RALYL: variants seen among roughly 807,000 people sequenced by gnomAD.
RALYL encodes RNA-binding Raly-like protein.
Under a neutral mutation model 35.1 loss-of-function variants are expected in RALYL, and 29 were observed. That is an observed-to-expected ratio of 0.83 (90% CI 0.61 to 1.13). RALYL has a LOEUF of 1.13. Ranked by LOEUF, RALYL falls within the 50% of genes most tolerant of loss-of-function variation. The probability of loss-of-function intolerance (pLI) is 0.00; values close to 1 mark genes in which losing one functional copy is unlikely to be tolerated. For missense variants in RALYL, 359 were observed against 360.4 expected, an observed-to-expected ratio of 1.00 and a Z score of 0.03; for synonymous variants, 120 against 127.6, an observed-to-expected ratio of 0.94 and a Z score of 0.40.
intron 1 of RALYL, among the ~76,000 whole-genome samples, chr8:84,189,972 A>G (rs1177173689): frequency 2.0e-5 from 3 of 152,194 alleles, no homozygotes; most frequent in African/African-American, 7.2e-5. Flanking sequence ...AATGCATGGC[A>G]TCACATTTGT....
At chr8:84,789,212 A>G (rs1214970552) in intron 3 of RALYL, among the ~76,000 whole-genome samples, 1 of 152,234 alleles carries the variant, frequency 6.6e-6, no homozygotes, top group Non-Finnish European at 1.5e-5. Flanking sequence ...ATGTATCAGA[A>G]TGTACTTTTT....
chr8:84,900,258 T>A (rs1359108498), intron 8 of RALYL, among the ~76,000 whole-genome samples: 1 of 152,192 alleles, frequency 6.6e-6, no homozygotes, highest in African/African-American at 2.4e-5. Context: ...GAAAAAATAG[T>A]TACTTTTCTA....
rs543790853 is a variant in RALYL at position 84,244,184 on chromosome 8, A to G, written c.-24+59760A>G. 7.4e-4 allele frequency among the ~76,000 whole-genome samples: 113 copies of G among 152,280 alleles called. 2 individuals carry two copies. The South Asian group carries it at 0.011, about 15-fold the overall frequency. On this transcript the variant is annotated intron_variant, in intron 1 of 8. Coordinates refer to ENST00000521268, the MANE Select transcript of RALYL (RefSeq NM_173848.7). ...ATAAATTTTCCAGTAATCCTATGAC[A>G]TTATCCCATTTAGTGGATGAGTATA...
chr8:84,484,218 A>G (rs2054357245), intron 1 of RALYL, among the ~76,000 whole-genome samples: 1 of 152,124 alleles, frequency 6.6e-6, no homozygotes, highest in Non-Finnish European at 1.5e-5. Context: ...AAACTTTAAC[A>G]AATATTTATT....
At chr8:84,318,828 C>T (rs1844266121) in intron 1 of RALYL, among the ~76,000 whole-genome samples, 2 of 151,986 alleles carry the variant, frequency 1.3e-5, no homozygotes, top group South Asian at 4.2e-4. Context: ...GAAGCATGTC[C>T]ATTAGTTTCA....
At chr8:84,702,282 A>G (rs1840325378) in intron 2 of RALYL, among the ~76,000 whole-genome samples, 1 of 152,072 alleles carries the variant, frequency 6.6e-6, no homozygotes. Context: ...CTTTTAGGTA[A>G]GTTTCCCCTA....
At chr8:84,299,588 G>C (rs970049417) in intron 1 of RALYL, among the ~76,000 whole-genome samples, 1 of 151,844 alleles carries the variant, frequency 6.6e-6, no homozygotes, top group Admixed American at 6.6e-5. Flanking sequence ...CTGTGAATCT[G>C]TGTGGTCCAG....
At chr8:84,582,791 G>A (rs778274643) in intron 2 of RALYL, among the ~76,000 whole-genome samples, 10 of 151,956 alleles carry the variant, frequency 6.6e-5, no homozygotes, top group Non-Finnish European at 8.8e-5. Flanking sequence ...CTCTATAATT[G>A]TTGGTGTGGT....
chr8:84,386,803 G>C (rs1434253008), intron 1 of RALYL, among the ~76,000 whole-genome samples: 1 of 151,782 alleles, frequency 6.6e-6, no homozygotes, highest in Non-Finnish European at 1.5e-5. Flanking sequence ...TCCTGTTCTT[G>C]CTAGTTCACT....
chr8:84,323,806 G>C (rs1364002869), intron 1 of RALYL, among the ~76,000 whole-genome samples: 1 of 151,958 alleles, frequency 6.6e-6, no homozygotes, highest in Non-Finnish European at 1.5e-5. Context: ...CAAGTATTTT[G>C]TCAGTTAAAA....
chr8:84,915,648 C>A lies in RALYL; in HGVS notation c.859-5246C>A, dbSNP rs149610237. Among the ~76,000 whole-genome samples the A allele has an allele frequency of 1.5e-3, 226 of 152,190 alleles. 1 individual carries two copies. Among genetic ancestry groups the A allele is most frequent in the African/African-American group, 5.1e-3 (213 of 41,536 alleles). Reference sequence around the variant, plus strand: ...GATTACTGTAAAAGACACTGCTGCTCTGTTTGCAAGATTAGACAAGATCAC... The same window carrying A: ...GATTACTGTAAAAGACACTGCTGCTATGTTTGCAAGATTAGACAAGATCAC... On this transcript the variant is annotated intron_variant, in intron 8 of 8. Transcript: ENST00000521268.
chr8:84,913,347 T>C (rs1271375579), intron 8 of RALYL, among the ~76,000 whole-genome samples: 1 of 152,008 alleles, frequency 6.6e-6, no homozygotes, highest in Non-Finnish European at 1.5e-5. Flanking sequence ...CCAATTAAGT[T>C]TGTTTTCTTA....
At chr8:84,239,868 G>T (rs1268589412) in intron 1 of RALYL, among the ~76,000 whole-genome samples, 1 of 151,782 alleles carries the variant, frequency 6.6e-6, no homozygotes, top group Admixed American at 6.6e-5. Flanking sequence ...CTCCAGCCTG[G>T]GCACAGAGTG....
chr8:84,318,535 C>T (rs1003957847), intron 1 of RALYL, among the ~76,000 whole-genome samples: 1 of 152,094 alleles, frequency 6.6e-6, no homozygotes, highest in Admixed American at 6.6e-5. Flanking sequence ...GGCAAATTAT[C>T]GTGTGATGTT....
chr8:84,470,666 C>G (rs541365700), intron 1 of RALYL, among the ~76,000 whole-genome samples: 1 of 152,298 alleles, frequency 6.6e-6, no homozygotes, highest in South Asian at 2.1e-4. Flanking sequence ...CCAGTGACTT[C>G]TAAATGGTCT....
At chr8:84,804,870 G>A (rs921648200) in intron 4 of RALYL, 68 bp downstream of exon 4, 37 of 813,380 alleles carry the variant, frequency 4.5e-5, no homozygotes, top group Non-Finnish European at 1.1e-5. Context: ...TTCTGAGATG[G>A]TATTTTCAGT....
intron 8 of RALYL, among the ~76,000 whole-genome samples, chr8:84,908,101 A>G (rs1169567986): frequency 1.3e-5 from 2 of 152,182 alleles, no homozygotes; most frequent in African/African-American, 4.8e-5. Flanking sequence ...ATAATTGCAT[A>G]TATTTAAGGG....
chr8:84,195,248 A>C (rs552646642), intron 1 of RALYL, among the ~76,000 whole-genome samples: 1 of 152,092 alleles, frequency 6.6e-6, no homozygotes, highest in Non-Finnish European at 1.5e-5. Context: ...ATTTGGGTCA[A>C]CATGGTGTGA....
intron 2 of RALYL, among the ~76,000 whole-genome samples, chr8:84,625,111 G>A (rs1376196065): frequency 6.6e-6 from 1 of 152,090 alleles, no homozygotes; most frequent in Non-Finnish European, 1.5e-5. Context: ...AAATTATGTT[G>A]AAAAGAAAGT....
Sources: gnomAD v4.1 joint callset for allele counts (sites outside exome capture counted in the v4.1 genomes callset) on GRCh38, gnomAD v4.1.1 for gene constraint, MANE v1.5 for transcripts, NCBI Gene and HGNC (gene_info 2026-07-23, HGNC 2026-07-21) for gene names.